Variants in FKBP15 observed in about 807,000 individuals in gnomAD.
The protein encoded by FKBP15 is FKBP prolyl isomerase family member 15, also known as FK506-binding protein 15.
A neutral mutation model predicts 158.1 loss-of-function variants in FKBP15; 106 were observed. The ratio of observed to expected loss-of-function variants is 0.67; its 90% confidence interval spans 0.57 to 0.79. FKBP15 has a LOEUF of 0.79. Among genes scored for constraint, FKBP15 ranks in the 30% least tolerant of loss-of-function variants. The pLI is 0.00. For synonymous variants in FKBP15, 547 were observed against 548.6 expected (o/e 1.00, Z 0.04); for missense variants, 1,287 against 1,479.1 (o/e 0.87, Z 2.13).
In FKBP15 at chr9:113,198,524, G is replaced by A. The variant is rs566410170; in HGVS notation, c.717+331C>T. ...TCCCGGCACTTTGGGAGGCTGAGGC[G>A]GGTGGATCACCTGATGTCGGGAGTT... On this transcript the variant is annotated intron_variant, in intron 8 of 27. Coordinates refer to ENST00000238256, the MANE Select transcript of FKBP15 (RefSeq NM_015258.2). This position sits in a 1 kb window ranked among gnomAD's most constrained non-coding sequence, Gnocchi z 5.2. Among the ~76,000 whole-genome samples the A allele has an allele frequency of 4.6e-5, 7 of 152,112 alleles. No individual in the cohort carries two copies. Among genetic ancestry groups the A allele is most frequent in the Non-Finnish European group, 1.0e-4 (7 of 68,012 alleles).
At position 113,163,397 on chromosome 9, in the gene FKBP15, C is replaced by G. The variant is rs1830048372; in HGVS notation, c.*2681G>C. 1 of 153,034 alleles carries G rather than the reference C, an allele frequency of 6.5e-6. No homozygotes were observed. The highest frequency in any genetic ancestry group is 1.5e-5 in the Non-Finnish European group (1 of 68,326). The allele number at this position is 153,034 out of a possible 1,614,324, so 9.5% of individuals were successfully genotyped here. ...TTGAGGGACAGAGACCAAGCTAGAT[C>G]CTTTTTCTCACCTTTCTGCCTTTGG... On this transcript the variant is annotated 3_prime_UTR_variant, in exon 28 of 28. Transcript: ENST00000238256.
chr9:113,166,020 G>A lies in FKBP15; in HGVS notation c.*58C>T. ...TTCGCCTAGACCCAGGGTTGGCTGT[G>A]CAAAATCATGCTTAGGGAAGGGTTG... On this transcript the variant is annotated 3_prime_UTR_variant, in exon 28 of 28. Coordinates refer to ENST00000238256, the MANE Select transcript of FKBP15 (RefSeq NM_015258.2). 6.5e-7 allele frequency: 1 copy of A among 1,537,072 alleles called. No individual in the cohort carries two copies.
chr9:113,199,678 T>C (rs1367164598), intron 7 of FKBP15, 136 bp downstream of exon 7: 11 of 857,070 alleles, frequency 1.3e-5, no homozygotes, highest in Non-Finnish European at 1.9e-5. Flanking sequence ...CCCAAAGCAA[T>C]TGCAGTGTCT....
chr9:113,166,408 G>A (rs1310206178), intron 27 of FKBP15, among the ~76,000 whole-genome samples: 2 of 152,218 alleles, frequency 1.3e-5, no homozygotes, highest in African/African-American at 4.8e-5. Flanking sequence ...ATTTATTTAT[G>A]AAGCACATGT....
chr9:113,221,090 C>CATTAAAAAA, intron 1 of FKBP15, 101 bp downstream of exon 1: 1 of 1,309,356 alleles, frequency 7.6e-7, no homozygotes, highest in Non-Finnish European at 1.0e-6. Flanking sequence ...GGGTCTCCCC[C>CATTAAAAAA]CGGAAGTTGG....
intron 11 of FKBP15, among the ~76,000 whole-genome samples, chr9:113,191,276 C>G (rs12339424): frequency 0.21 from 32,293 of 151,500 alleles, 3,919 homozygotes; most frequent in African/African-American, 0.3. Flanking sequence ...AGATTTAAGA[C>G]GTCTTCCCAC....
In FKBP15 at chr9:113,168,614, C is replaced by T. The variant is rs138908605; in HGVS notation, c.3486-58G>A. ...TGTTCCTGCTCCAGGTCACAGTACC[C>T]ACCACCTACAAGGGTCACCGGCCCT... is the stretch of plus-strand genomic sequence containing the variant. On this transcript the variant is annotated intron_variant, in intron 26 of 27. Transcript: ENST00000238256. The T allele has an allele frequency of 7.8e-4, 1,154 of 1,481,222 alleles. 12 individuals are homozygous for T. The highest frequency in any genetic ancestry group is 2.1e-3 in the Middle Eastern group (12 of 5,784). The allele number at this position is 1,481,222 out of a possible 1,614,324, so 91.8% of individuals were successfully genotyped here. A position where few individuals can be genotyped will look rare whatever the true frequency, so the allele number is the denominator to read the frequency against.
At position 113,161,695 on chromosome 9, in the gene FKBP15, A is replaced by C. The variant is rs371498384; in HGVS notation, c.*4383T>G. ...TCATTCCCTGTTGGCAGAACCCACC[A>C]CAGGTACAGGCAGTGGGTATGGGAA... On this transcript the variant is annotated 3_prime_UTR_variant, in exon 28 of 28. Coordinates refer to ENST00000238256, the MANE Select transcript of FKBP15 (RefSeq NM_015258.2). The C allele has an allele frequency of 3.1e-6, 5 of 1,613,684 alleles. No individual in the cohort carries two copies. Among genetic ancestry groups the C allele is most frequent in the African/African-American group, 2.7e-5 (2 of 74,930 alleles).
Position 113,162,946 on chromosome 9 carries a change from T to TGGAG in FKBP15, c.*3128_*3131dup, listed in dbSNP as rs764912382. 6.5e-7 allele frequency: 1 copy of TGGAG among 1,549,710 alleles called. No homozygotes were observed. The highest frequency in any genetic ancestry group is 8.7e-7 in the Non-Finnish European group (1 of 1,146,906). ...GTGAGGAACGTGCAGGCACTGAGGC[T>TGGAG]GGAGGGACATGGAGCCCCCTCTTCC... On this transcript the variant is annotated 3_prime_UTR_variant, in exon 28 of 28. Transcript: ENST00000238256.
Position 113,198,863 on chromosome 9 carries a change from C to G in FKBP15, c.709G>C (p.Val237Leu), listed in dbSNP as rs372832505. The G allele has an allele frequency of 1.9e-6, 3 of 1,602,948 alleles. No homozygotes were observed. The African/African-American group carries it at 4.0e-5, about 21-fold the overall frequency. The change falls in exon 8 of 28, where the codon GTC becomes CTC. Residue 237 changes from valine to leucine, a missense_variant. Val to Leu is a conservative substitution (Grantham distance 32, BLOSUM62 1). Coordinates refer to ENST00000238256, the MANE Select transcript of FKBP15 (RefSeq NM_015258.2). The surrounding 1 kb of genome is among the most constrained non-coding windows in gnomAD (Gnocchi z 5.2). ...CACAGTTAAGCCTTTACCTTGATGA[C>G]TTTTCCTGATCCTAACTTCAAGCGA... ...LLRLKLGSGKVIKGWEDGMLG... is the reference protein window; with the variant it reads ...LLRLKLGSGKLIKGWEDGMLG...
At chr9:113,201,234 G>GT (rs1830786469) in intron 6 of FKBP15, among the ~76,000 whole-genome samples, 1 of 151,914 alleles carries the variant, frequency 6.6e-6, no homozygotes, top group African/African-American at 2.4e-5. Context: ...GTGCCAAAGT[G>GT]TATTAAGAAC....
chr9:113,172,515 C>T (rs1830232189), intron 23 of FKBP15, among the ~76,000 whole-genome samples: 1 of 152,150 alleles, frequency 6.6e-6, no homozygotes. Context: ...AATCTCTAAA[C>T]ATCAAGTCTT....
In FKBP15 at chr9:113,188,488, C is replaced by T. The variant is rs1490438308; in HGVS notation, c.1177G>A (p.Val393Met). The T allele has an allele frequency of 1.9e-6, 3 of 1,613,394 alleles. No individual in the cohort carries two copies. Among genetic ancestry groups the T allele is most frequent in the Non-Finnish European group, 2.5e-6 (3 of 1,179,556 alleles). Residue 393 changes from valine (V) to methionine (M), a missense_variant, in exon 13 of 28, where the codon GTG (valine) becomes ATG (methionine). Coordinates refer to ENST00000238256, the MANE Select transcript of FKBP15 (RefSeq NM_015258.2). ...TGCCCACCTCCTTGCAGAGTGTTCA[C>T]ATCCTGAAACAGGAACAAGCGTTTG... ...LDSNDSEIED[V>M]NTLQGGGQPV...
rs1830038614 is a variant in FKBP15, at chr9:113,162,908, C to T, written c.*3170G>A. 1 of 1,608,862 alleles carries T rather than the reference C, an allele frequency of 6.2e-7. No individual in the cohort carries two copies. Among genetic ancestry groups the T allele is most frequent in the African/African-American group, 1.3e-5 (1 of 74,760 alleles). On this transcript the variant is annotated 3_prime_UTR_variant, in exon 28 of 28. Transcript: ENST00000238256. ...ACTACCTAGCTTACCCACTTCTCAG[C>T]ACAGCTTAGCTGGTGAGGAACGTGC...
At chr9:113,186,140 G>A (rs1830481008) in intron 15 of FKBP15, 109 bp downstream of exon 15, 1 of 716,122 alleles carries the variant, frequency 1.4e-6, no homozygotes, top group Non-Finnish European at 2.4e-6. Flanking sequence ...TGTTAAAAAA[G>A]AGAAGAAACA....
intron 6 of FKBP15, among the ~76,000 whole-genome samples, chr9:113,201,562 T>C (rs1420424097): frequency 6.6e-6 from 1 of 152,126 alleles, no homozygotes; most frequent in Non-Finnish European, 1.5e-5. Context: ...TGAATGGGAT[T>C]AGGGACCTTA....
chr9:113,201,100 A>ATT (rs11421526), intron 6 of FKBP15, among the ~76,000 whole-genome samples: 23 of 142,552 alleles, frequency 1.6e-4, no homozygotes, highest in African/African-American at 4.2e-4. Flanking sequence ...ATGAGGCATC[A>ATT]TTTTTTTTTT....
At chr9:113,209,509 T>C (rs1830959267) in intron 2 of FKBP15, among the ~76,000 whole-genome samples, 1 of 152,252 alleles carries the variant, frequency 6.6e-6, no homozygotes, top group South Asian at 2.1e-4. Context: ...CCTAAAGTAA[T>C]AGGTAATATT....
chr9:113,162,937 C>T lies in FKBP15; in HGVS notation c.*3141G>A. 8 of 1,580,224 alleles carry T rather than the reference C, an allele frequency of 5.1e-6. No homozygotes were observed. The highest frequency in any genetic ancestry group is 6.9e-6 in the Non-Finnish European group (8 of 1,163,130). ...GCTTAGCTGGTGAGGAACGTGCAGG[C>T]ACTGAGGCTGGAGGGACATGGAGCC... On this transcript the variant is annotated 3_prime_UTR_variant, in exon 28 of 28. Transcript: ENST00000238256.
Sources: allele counts gnomAD v4.1 joint callset (sites outside exome capture counted in the v4.1 genomes callset), GRCh38; gene constraint gnomAD v4.1.1; non-coding constraint Gnocchi (gnomAD v3.1); transcripts MANE v1.5; gene names NCBI Gene and HGNC (gene_info 2026-07-23, HGNC 2026-07-21).